The following PCDH15 variants were observed in gnomAD, a reference collection of about 807,000 sequenced individuals.
PCDH15 encodes protocadherin-15.
Under a neutral mutation model 178.5 loss-of-function variants are expected in PCDH15, and 129 were observed. The observed-to-expected ratio is 0.72, with a 90% CI of 0.63 to 0.84. PCDH15 has a LOEUF of 0.84. PCDH15 is among the 40% of genes least tolerant of loss of function. The probability of loss-of-function intolerance (pLI) is 0.00; values close to 1 mark genes in which losing one functional copy is unlikely to be tolerated. For missense variants in PCDH15, 2,230 were observed against 2,099.9 expected (o/e 1.06, Z -1.21); for synonymous variants, 800 against 732.0 (o/e 1.09, Z -1.50).
intron 2 of PCDH15, among the ~76,000 whole-genome samples, chr10:54,658,421 C>G (rs967877017): frequency 6.6e-6 from 1 of 152,130 alleles, no homozygotes; most frequent in Non-Finnish European, 1.5e-5. Context: ...ATTAGACTAA[C>G]AGTGGACTTC....
chr10:54,830,643 G>A (rs1953207916), intron 3 of PCDH15, among the ~76,000 whole-genome samples: 1 of 151,788 alleles, frequency 6.6e-6, no homozygotes, highest in Non-Finnish European at 1.5e-5. Flanking sequence ...TAAATGACGA[G>A]TTAATGGGTG....
intron 2 of PCDH15, among the ~76,000 whole-genome samples, chr10:55,609,586 A>G (rs1031986687): frequency 1.3e-5 from 2 of 152,158 alleles, no homozygotes; most frequent in Non-Finnish European, 2.9e-5. Flanking sequence ...TCATTTATGT[A>G]TAAAGATATT....
chr10:54,390,530 C>T (rs1193212920), intron 3 of PCDH15, among the ~76,000 whole-genome samples: 1 of 152,118 alleles, frequency 6.6e-6, no homozygotes, highest in South Asian at 2.1e-4. Context: ...CTCCTGACCT[C>T]GTGGTCCACC....
At chr10:54,646,327 G>T (rs984931646) in intron 2 of PCDH15, among the ~76,000 whole-genome samples, 4 of 152,032 alleles carry the variant, frequency 2.6e-5, no homozygotes, top group Admixed American at 2.0e-4. Flanking sequence ...AGAACCAACT[G>T]CAGGACTTGA....
intron 13 of PCDH15, among the ~76,000 whole-genome samples, chr10:54,174,285 C>T (rs530095791): frequency 6.6e-6 from 1 of 152,170 alleles, no homozygotes; most frequent in East Asian, 1.9e-4. Context: ...GTAATCCCAG[C>T]ACTTTGGGAG....
chr10:53,965,945 T>C (rs765140052), intron 21 of PCDH15, among the ~76,000 whole-genome samples: 4 of 152,052 alleles, frequency 2.6e-5, no homozygotes, highest in Non-Finnish European at 4.4e-5. Context: ...TGGAATGTTA[T>C]CTCTCAGATG....
chr10:55,490,428 C>G (rs1840386460), intron 2 of PCDH15, among the ~76,000 whole-genome samples: 1 of 151,726 alleles, frequency 6.6e-6, no homozygotes, highest in Admixed American at 6.6e-5. Context: ...AAAGAAAATT[C>G]ACCATGAATG....
At chr10:53,909,679 G>A (rs931586262) in intron 25 of PCDH15, among the ~76,000 whole-genome samples, 4 of 152,172 alleles carry the variant, frequency 2.6e-5, no homozygotes, top group African/African-American at 9.7e-5. Context: ...AGCCCACAGA[G>A]GGCAAGCCAA....
At chr10:54,269,096 G>C (rs1369732429) in intron 8 of PCDH15, among the ~76,000 whole-genome samples, 2 of 151,820 alleles carry the variant, frequency 1.3e-5, no homozygotes, top group East Asian at 3.9e-4. Context: ...TCATGAAAAA[G>C]TGAGCAACTG....
intron 3 of PCDH15, among the ~76,000 whole-genome samples, chr10:54,384,784 A>G (rs1949723360): frequency 6.6e-6 from 1 of 152,080 alleles, no homozygotes; most frequent in African/African-American, 2.4e-5. Flanking sequence ...TATTTACGTT[A>G]TATTTATGGT....
rs535619283 is a variant in PCDH15 at position 54,680,099 on chromosome 10, G to T, written c.-28-15809C>A. The stretch of plus-strand genomic sequence containing the variant: ...AGATTTTGCTCATTTGTAAGAGGAG[G>T]TTAGGTTTCTTCCCCCAGGATAAAA... On this transcript the variant is annotated intron_variant, in intron 1 of 37. Transcript: ENST00000644397. Among the ~76,000 whole-genome samples the T allele has an allele frequency of 7.2e-5, 11 of 152,188 alleles. No homozygotes were observed. In the East Asian group the frequency reaches 1.5e-3, roughly 21 times the overall value.
In PCDH15 at chr10:55,159,365, C is replaced by CTATATATA. The variant is rs1181041481; in HGVS notation, c.-80+7210_-80+7211insTATATATA. On this transcript the variant is annotated intron_variant, in intron 2 of 5. Transcript: ENST00000458638. ...CATATCTATCTATCTATCTATCTATCTATCTATATATATATATATATATAC... is the reference window on the plus strand; with the variant it reads ...CATATCTATCTATCTATCTATCTATCTATATATATATCTATATATATATATATATATAC... 6.9e-3 allele frequency among the ~76,000 whole-genome samples: 119 copies of CTATATATA among 17,246 alleles called. 1 individual carries two copies. The highest frequency in any genetic ancestry group is 0.012 in the African/African-American group (108 of 8,886). The allele number at this position is 17,246 out of a possible 152,430, so 11.3% of individuals were successfully genotyped here.
At chr10:54,868,749 A>C (rs1953983511) in intron 3 of PCDH15, among the ~76,000 whole-genome samples, 2 of 152,164 alleles carry the variant, frequency 1.3e-5, no homozygotes, top group Non-Finnish European at 2.9e-5. Context: ...TAGTAGAAAG[A>C]ACTTAAACTT....
chr10:53,827,593 A>T (rs1564553880), intron 31 of PCDH15, 45 bp from the exon 32 acceptor site: 3 of 1,611,312 alleles, frequency 1.9e-6, no homozygotes, highest in Non-Finnish European at 2.5e-6. Flanking sequence ...TTTAGAAATC[A>T]TAATGCTTAT....
chr10:55,525,735 A>T (rs1379337302), intron 2 of PCDH15, among the ~76,000 whole-genome samples: 2 of 151,912 alleles, frequency 1.3e-5, no homozygotes, highest in African/African-American at 2.4e-5. Context: ...TACATTCAGG[A>T]ATATAGCACG....
At chr10:54,376,978 T>C (rs1948545126) in intron 4 of PCDH15, among the ~76,000 whole-genome samples, 1 of 152,026 alleles carries the variant, frequency 6.6e-6, no homozygotes, top group Non-Finnish European at 1.5e-5. Context: ...TTTAAAAATC[T>C]CTTATTTATT....
chr10:55,528,596 T>C (rs1000891723), intron 2 of PCDH15, among the ~76,000 whole-genome samples: 1 of 152,136 alleles, frequency 6.6e-6, no homozygotes, highest in Non-Finnish European at 1.5e-5. Flanking sequence ...ATGGTGTATA[T>C]GTGCCACATT....
intron 3 of PCDH15, among the ~76,000 whole-genome samples, chr10:54,505,440 A>G (rs1020503675): frequency 3.3e-5 from 5 of 152,164 alleles, no homozygotes; most frequent in Non-Finnish European, 7.4e-5. Flanking sequence ...ATCATATGCC[A>G]AAACATGTCC....
chr10:53,890,244 G>A lies in PCDH15; in HGVS notation c.3501+12999C>T, dbSNP rs530782507. Among the ~76,000 whole-genome samples the A allele has an allele frequency of 3.9e-3, 601 of 152,174 alleles. 2 individuals carry two copies. Among genetic ancestry groups the A allele is most frequent in the Non-Finnish European group, 6.6e-3 (449 of 67,994 alleles). The stretch of plus-strand genomic sequence containing the variant: ...AGATCGAGACCATCCTGGCTAATAC[G>A]GTGAAACACCATCTCTACTAAAAAT... On this transcript the variant is annotated intron_variant, in intron 26 of 37. Transcript: ENST00000644397.
Sources: gnomAD v4.1 joint callset for allele counts (sites outside exome capture counted in the v4.1 genomes callset) on GRCh38, gnomAD v4.1.1 for gene constraint, MANE v1.5 for transcripts, NCBI Gene and HGNC (gene_info 2026-07-23, HGNC 2026-07-21) for gene names.